ATP13A4: variants seen among roughly 807,000 people sequenced by gnomAD.
ATP13A4 encodes ATPase 13A4.
In ATP13A4, 114 loss-of-function variants were observed where a neutral mutation model predicts 142.5. The ratio of observed to expected loss-of-function variants is 0.80; its 90% CI spans 0.69 to 0.93. The LOEUF (loss-of-function observed/expected upper bound fraction) is 0.93. ATP13A4 is among the 40% of genes least tolerant of loss of function. ATP13A4 has a pLI of 0.00. For missense variants in ATP13A4, 1,392 were observed against 1,454.0 expected, an observed-to-expected ratio of 0.96 and a Z score of 0.69; for synonymous variants, 488 against 514.8, an observed-to-expected ratio of 0.95 and a Z score of 0.70.
At chr3:193,514,368 G>T (rs1414062577) in intron 2 of ATP13A4, among the ~76,000 whole-genome samples, 1 of 152,138 alleles carries the variant, frequency 6.6e-6, no homozygotes. Context: ...GTTTGCTAAG[G>T]ATAATGGCTT....
intron 2 of ATP13A4, among the ~76,000 whole-genome samples, chr3:193,510,830 T>C (rs1721105056): frequency 6.6e-6 from 1 of 152,144 alleles, no homozygotes; most frequent in African/African-American, 2.4e-5. Flanking sequence ...GATTTTTTAA[T>C]AACATGAAGA....
At chr3:193,457,621 G>GA (rs1182868849) in intron 14 of ATP13A4, among the ~76,000 whole-genome samples, 156 bp from the exon 15 acceptor site, 1 of 152,100 alleles carries the variant, frequency 6.6e-6, no homozygotes, top group Non-Finnish European at 1.5e-5. Flanking sequence ...TTCCGCCACA[G>GA]AAAAAAAGAA....
chr3:193,585,793 A>C (rs938912990), intron 1 of ATP13A4, among the ~76,000 whole-genome samples: 5 of 152,164 alleles, frequency 3.3e-5, no homozygotes, highest in Non-Finnish European at 7.3e-5. Context: ...GTCGCTATGA[A>C]CATGTTTGTA....
intron 24 of ATP13A4, 103 bp downstream of exon 24, chr3:193,435,545 G>T: frequency 2.1e-6 from 2 of 932,458 alleles, no homozygotes; most frequent in Non-Finnish European, 3.5e-6. Flanking sequence ...TTGTTGTTCA[G>T]ATATCCTATT....
At chr3:193,412,435 C>T (rs762614629) in intron 26 of ATP13A4, 64 bp from the exon 27 acceptor site, 9 of 1,432,602 alleles carry the variant, frequency 6.3e-6, no homozygotes, top group African/African-American at 1.4e-5. Flanking sequence ...GCATTTGTAT[C>T]CAGAAGATTC....
intron 1 of ATP13A4, among the ~76,000 whole-genome samples, chr3:193,587,477 C>T (rs1724691959): frequency 6.6e-6 from 1 of 152,194 alleles, no homozygotes; most frequent in South Asian, 2.1e-4. Flanking sequence ...CTAGTATAAT[C>T]TCCCCATCTC....
intron 29 of ATP13A4, among the ~76,000 whole-genome samples, chr3:193,406,236 A>G (rs1246772133): frequency 6.6e-6 from 1 of 152,160 alleles, no homozygotes; most frequent in African/African-American, 2.4e-5. Flanking sequence ...AAGTTCCAGT[A>G]CTGAAATTCT....
In ATP13A4 at chr3:193,408,827, T is replaced by C. The variant is rs554656679; in HGVS notation, c.3298-1434A>G. ...TTTAGAGGATAAACCCACATCACAG[T>C]GTGATGCCTCTCCCCACTTCCTCTG... On this transcript the variant is annotated intron_variant, in intron 28 of 29. Coordinates refer to ENST00000342695, the MANE Select transcript of ATP13A4 (RefSeq NM_032279.4). Among the ~76,000 whole-genome samples, 3 of 152,326 alleles carry C rather than the reference T, an allele frequency of 2.0e-5. 1 individual carries two copies. The highest frequency in any genetic ancestry group is 4.1e-4 in the South Asian group (2 of 4,826).
intron 25 of ATP13A4, among the ~76,000 whole-genome samples, chr3:193,419,217 G>A (rs1409506807): frequency 6.7e-6 from 1 of 150,058 alleles, no homozygotes; most frequent in African/African-American, 2.5e-5. Context: ...AGTTGAACCT[G>A]TGCACTGCCT....
chr3:193,466,080 A>G lies in ATP13A4; in HGVS notation c.1217T>C (p.Val406Ala), dbSNP rs770184786. ...RDAIRFLLCL[V>A]GTATIGMIYT... ...GATCATCCCAATGGTGGCTGTTCCTACAAGGCACAGGAGGAACCTGATGGC... is the reference window on the plus strand; with the variant it reads ...GATCATCCCAATGGTGGCTGTTCCTGCAAGGCACAGGAGGAACCTGATGGC... Residue 406 changes from valine to alanine, a missense_variant, in exon 11 of 30, where the codon GTA (valine) becomes GCA (alanine). Val to Ala is a moderately conservative substitution (Grantham distance 64). Transcript: ENST00000342695. 1.5e-5 allele frequency: 24 copies of G among 1,614,018 alleles called. No homozygotes were observed. Among genetic ancestry groups the G allele is most frequent in the Non-Finnish European group, 1.9e-5 (23 of 1,179,966 alleles).
chr3:193,411,048 T>A lies in ATP13A4; in HGVS notation c.3231A>T (p.Ile1077=), dbSNP rs777732175. The change falls in exon 28 of 30, where the codon ATA becomes ATT. Residue 1077 remains isoleucine, a synonymous_variant. Transcript: ENST00000342695. Reference sequence around the variant, plus strand: ...TGAATAGACATACACCAAGCTGTATTATCAGCACAAGGACAAATATATCTG... The same window carrying A: ...TGAATAGACATACACCAAGCTGTATAATCAGCACAAGGACAAATATATCTG... The part of the protein sequence containing the change: ...YTNYIFVLVL[I]IQLGVCLFIL... The A allele has an allele frequency of 1.9e-6, 3 of 1,610,416 alleles. No homozygotes were observed. Among genetic ancestry groups the A allele is most frequent in the Non-Finnish European group, 2.5e-6 (3 of 1,176,842 alleles).
At chr3:193,546,416 T>C (rs772044779) in intron 1 of ATP13A4, among the ~76,000 whole-genome samples, 26 of 152,206 alleles carry the variant, frequency 1.7e-4, no homozygotes, top group Non-Finnish European at 2.6e-4. Flanking sequence ...ATCTCCCATC[T>C]TCTCAGCTGC....
At chr3:193,446,190 T>C (rs1300685460) in intron 18 of ATP13A4, among the ~76,000 whole-genome samples, 2 of 150,990 alleles carry the variant, frequency 1.3e-5, no homozygotes, top group Non-Finnish European at 3.0e-5. Flanking sequence ...AACAAACAAA[T>C]AAATAAGACA....
At chr3:193,481,797 G>A (rs1450712942) in intron 8 of ATP13A4, among the ~76,000 whole-genome samples, 2 of 152,072 alleles carry the variant, frequency 1.3e-5, no homozygotes, top group African/African-American at 2.4e-5. Context: ...TGTGACCATT[G>A]TTTATGTTAT....
chr3:193,522,914 A>C (rs1379839792), intron 1 of ATP13A4, among the ~76,000 whole-genome samples: 1 of 152,180 alleles, frequency 6.6e-6, no homozygotes, highest in Non-Finnish European at 1.5e-5. Flanking sequence ...TATAATAATA[A>C]ATAAATATTT....
At chr3:193,413,672 C>A (rs1004679194) in intron 26 of ATP13A4, among the ~76,000 whole-genome samples, 10 of 152,136 alleles carry the variant, frequency 6.6e-5, no homozygotes, top group South Asian at 2.1e-4. Flanking sequence ...CTGAAATACA[C>A]CCTGATCTCC....
At chr3:193,428,631 G>A (rs1047528380) in intron 25 of ATP13A4, among the ~76,000 whole-genome samples, 17 of 151,976 alleles carry the variant, frequency 1.1e-4, no homozygotes, top group African/African-American at 2.9e-4. Flanking sequence ...ATGAGTTCAC[G>A]TCCTTTGTAG....
intron 2 of ATP13A4, among the ~76,000 whole-genome samples, chr3:193,509,334 G>T (rs76289943): frequency 2.6e-5 from 4 of 152,074 alleles, no homozygotes; most frequent in African/African-American, 4.8e-5. Context: ...TTTGTGTACC[G>T]ATCTGATTAA....
chr3:193,471,028 A>G (rs763068035), intron 8 of ATP13A4, 35 bp from the exon 9 acceptor site: 2 of 1,613,732 alleles, frequency 1.2e-6, no homozygotes, highest in Non-Finnish European at 1.7e-6. Flanking sequence ...GAGTCAGGTT[A>G]TTTTCCCACA....
Sources: gnomAD v4.1 joint callset for allele counts (sites outside exome capture counted in the v4.1 genomes callset) on GRCh38, gnomAD v4.1.1 for gene constraint, MANE v1.5 for transcripts, NCBI Gene and HGNC (gene_info 2026-07-23, HGNC 2026-07-21) for gene names.